Variants in THSD4 observed in about 807,000 individuals in gnomAD.
The protein encoded by THSD4 is thrombospondin type 1 domain containing 4.
Under a neutral mutation model 119.0 loss-of-function variants are expected in THSD4, and 69 were observed. That is an observed-to-expected ratio of 0.58 (90% CI 0.48 to 0.71). The LOEUF (loss-of-function observed/expected upper bound fraction) is 0.71. Ranked by LOEUF, THSD4 falls within the 30% of genes least tolerant of loss-of-function variation. The pLI is 0.00. For missense variants in THSD4, 1,393 were observed against 1,391.1 expected (o/e 1.00, Z -0.02); for synonymous variants, 524 against 540.4 (o/e 0.97, Z 0.42).
At chr15:71,618,376 A>G (rs12910343) in intron 7 of THSD4, among the ~76,000 whole-genome samples, 114,758 of 152,132 alleles carry the variant, frequency 0.75, 44,816 homozygotes, top group Middle Eastern at 0.89. Context: ...CGACTAAACT[A>G]TACGCATATG....
chr15:71,122,560 C>T (rs1037445886), intron 1 of THSD4, among the ~76,000 whole-genome samples: 1 of 152,194 alleles, frequency 6.6e-6, no homozygotes, highest in African/African-American at 2.4e-5. Flanking sequence ...AATGCCACTG[C>T]TAATATTGCT....
intron 7 of THSD4, among the ~76,000 whole-genome samples, chr15:71,609,186 A>G (rs1412076741): frequency 6.6e-6 from 1 of 152,226 alleles, no homozygotes; most frequent in Non-Finnish European, 1.5e-5. Context: ...GACAGGGGAA[A>G]AAAAGAATAG....
chr15:71,182,061 T>C (rs1236168155), intron 3 of THSD4, among the ~76,000 whole-genome samples: 1 of 152,226 alleles, frequency 6.6e-6, no homozygotes, highest in African/African-American at 2.4e-5. Flanking sequence ...CCCATTTTTT[T>C]ATGGCAAAAA....
At chr15:71,258,942 G>A (rs149013506) in intron 6 of THSD4, among the ~76,000 whole-genome samples, 23 of 151,820 alleles carry the variant, frequency 1.5e-4, no homozygotes, top group African/African-American at 4.4e-4. Context: ...GGAGAACCCC[G>A]TCTCTGCTAA....
Position 71,242,642 on chromosome 15 carries a change from T to G in THSD4, c.465-7T>G, listed in dbSNP as rs1158154940. 6.2e-7 allele frequency: 1 copy of G among 1,612,218 alleles called. No individual in the cohort carries two copies. Among genetic ancestry groups the G allele is most frequent in the Non-Finnish European group, 8.5e-7 (1 of 1,178,586 alleles). ...GATCATCTCCTCTCTTGTCTATCTCTCTTTAGGAGCAGGACCCGTGGTACC... is the reference window on the plus strand; with the variant it reads ...GATCATCTCCTCTCTTGTCTATCTCGCTTTAGGAGCAGGACCCGTGGTACC... On this transcript the variant is annotated splice_region_variant and splice_polypyrimidine_tract_variant and intron_variant, in intron 4 of 17. Coordinates refer to ENST00000261862, the MANE Select transcript of THSD4 (RefSeq NM_024817.3).
intron 6 of THSD4, among the ~76,000 whole-genome samples, chr15:71,373,892 C>G (rs1400208588): frequency 2.0e-5 from 3 of 152,158 alleles, no homozygotes; most frequent in Admixed American, 6.5e-5. Flanking sequence ...ATGATGGTCC[C>G]TGAGAATTAA....
In THSD4 at chr15:71,421,133, T is replaced by C. The variant is rs866577943; in HGVS notation, c.1152+9310T>C. Reference sequence around the variant, plus strand: ...AAGATGGTACCACTGCACTCCAGCCTGGGTGATGGAGTGAGACTCCGTCTC... The same window carrying C: ...AAGATGGTACCACTGCACTCCAGCCCGGGTGATGGAGTGAGACTCCGTCTC... On this transcript the variant is annotated intron_variant, in intron 7 of 17. Coordinates refer to ENST00000261862, the MANE Select transcript of THSD4 (RefSeq NM_024817.3). 3.0e-5 allele frequency among the ~76,000 whole-genome samples: 2 copies of C among 66,090 alleles called. 1 individual carries two copies. Among genetic ancestry groups the C allele is most frequent in the South Asian group, 1.1e-3 (2 of 1,872 alleles). The allele number at this position is 66,090 out of a possible 152,430, so 43.4% of individuals were successfully genotyped here.
chr15:71,363,622 A>G lies in THSD4; in HGVS notation c.1016-48065A>G, dbSNP rs547615932. Among the ~76,000 whole-genome samples the G allele has an allele frequency of 2.3e-3, 349 of 152,370 alleles. 2 individuals carry two copies. The highest frequency in any genetic ancestry group is 3.4e-3 in the Middle Eastern group (1 of 294). On this transcript the variant is annotated intron_variant, in intron 6 of 17. Transcript: ENST00000261862. The stretch of plus-strand genomic sequence containing the variant: ...TTCAAAGACAAAATGAACATGCGTC[A>G]AAGATTTTATTTAACTCATTAATTA...
At chr15:71,114,763 T>C (rs936276366), upstream of THSD4, among the ~76,000 whole-genome samples, 12 of 152,140 alleles carry the variant, frequency 7.9e-5, no homozygotes, top group East Asian at 1.9e-4. Context: ...GGCTTTTTTT[T>C]CCCCAACAAA....
intron 8 of THSD4, among the ~76,000 whole-genome samples, chr15:71,679,070 A>G (rs924965833): frequency 2.0e-5 from 3 of 152,204 alleles, no homozygotes; most frequent in Non-Finnish European, 2.9e-5. Context: ...AAACATTTCA[A>G]TGGATATCTG....
At position 71,640,372 on chromosome 15, in the gene THSD4, C is replaced by G. The variant is rs187889709; in HGVS notation, c.1153-20158C>G. 3.3e-5 allele frequency among the ~76,000 whole-genome samples: 5 copies of G among 152,228 alleles called. No individual in the cohort carries two copies. The East Asian group carries it at 9.7e-4, about 29-fold the overall frequency. ...CTGGGACTATAGGTGTGAGCCACTG[C>G]ACCTGGCCTAGGCAAATTTCTAATC... On this transcript the variant is annotated intron_variant, in intron 7 of 17. Transcript: ENST00000261862.
intron 7 of THSD4, among the ~76,000 whole-genome samples, chr15:71,591,309 A>G (rs1043344559): frequency 3.9e-5 from 6 of 152,194 alleles, no homozygotes. Context: ...TAGCCTTTCA[A>G]GGCTGCCCTG....
chr15:71,746,443 G>A (rs553158694), intron 12 of THSD4, among the ~76,000 whole-genome samples: 1 of 152,160 alleles, frequency 6.6e-6, no homozygotes, highest in African/African-American at 2.4e-5. Context: ...TGCCCAGGCT[G>A]GAGTGCAGTG....
In THSD4 at chr15:71,737,925, A is replaced by T. The variant is rs2141152539; in HGVS notation, c.1824A>T (p.Pro608=). The change falls in exon 11 of 18, where the codon CCA becomes CCT. Residue 608 remains proline, a synonymous_variant. Coordinates refer to ENST00000261862, the MANE Select transcript of THSD4 (RefSeq NM_024817.3). The part of the protein sequence containing the change: ...SPHRPDNLVP[P]APQPPRRSRD... ...ATCGACCGGACAACTTGGTGCCACCAGCACCGCAGCCCCCACGGCGCAGCC... is the reference window on the plus strand; with the variant it reads ...ATCGACCGGACAACTTGGTGCCACCTGCACCGCAGCCCCCACGGCGCAGCC... The T allele has an allele frequency of 6.2e-7, 1 of 1,614,250 alleles. No individual in the cohort carries two copies. The highest frequency in any genetic ancestry group is 1.1e-5 in the South Asian group (1 of 91,084).
At chr15:71,740,419 G>A (rs2053212136) in intron 11 of THSD4, among the ~76,000 whole-genome samples, 2 of 152,178 alleles carry the variant, frequency 1.3e-5, no homozygotes, top group South Asian at 4.1e-4. Context: ...CTCAGAACTA[G>A]GTGAAAATAG....
chr15:71,222,449 C>T (rs75598421), intron 4 of THSD4, among the ~76,000 whole-genome samples: 1 of 152,164 alleles, frequency 6.6e-6, no homozygotes, highest in Non-Finnish European at 1.5e-5. Flanking sequence ...TATTTGATGG[C>T]TTTAATTCAG....
At chr15:71,189,137 T>A (rs569417586) in intron 3 of THSD4, 2 of 152,272 alleles carry the variant, frequency 1.3e-5, no homozygotes, top group Non-Finnish European at 2.9e-5. Context: ...GATCAGAGCA[T>A]CTTCATTTTG....
intron 3 of THSD4, chr15:71,189,098 G>A (rs368793864): frequency 2.0e-5 from 3 of 152,030 alleles, no homozygotes; most frequent in East Asian, 1.9e-4. Context: ...CTCTTACTCC[G>A]TGGTTGCCAC....
intron 2 of THSD4, among the ~76,000 whole-genome samples, chr15:71,146,936 C>T (rs1247480627): frequency 6.6e-6 from 1 of 152,106 alleles, no homozygotes; most frequent in African/African-American, 2.4e-5. Context: ...CATTCTGTAC[C>T]CAAAAAGGCT....
Sources: allele counts gnomAD v4.1 joint callset (sites outside exome capture counted in the v4.1 genomes callset), GRCh38; gene constraint gnomAD v4.1.1; transcripts MANE v1.5; gene names NCBI Gene and HGNC (gene_info 2026-07-23, HGNC 2026-07-21).